DYNC1I1: variants seen among roughly 807,000 people sequenced by gnomAD.
DYNC1I1 encodes the protein dynein cytoplasmic 1 intermediate chain 1, also known as cytoplasmic dynein 1 intermediate chain 1.
A neutral mutation model predicts 86.6 loss-of-function variants in DYNC1I1; 43 were observed. That is an observed-to-expected ratio of 0.50 (90% CI 0.39 to 0.64). DYNC1I1 has a LOEUF of 0.64. DYNC1I1 is among the 30% of genes least tolerant of loss of function. DYNC1I1 has a pLI of 0.00. For missense variants in DYNC1I1, 604 were observed against 788.8 expected (o/e 0.77, Z 2.81); for synonymous variants, 262 against 283.7 (o/e 0.92, Z 0.77).
At chr7:95,895,081 G>C (rs2116284668) in intron 6 of DYNC1I1, among the ~76,000 whole-genome samples, 1 of 152,194 alleles carries the variant, frequency 6.6e-6, no homozygotes, top group East Asian at 1.9e-4. Flanking sequence ...CAGTGGATCA[G>C]ACTGGCAACA....
rs73401054 is a variant in DYNC1I1 at position 96,092,775 on chromosome 7, A to T, written c.1777-4708A>T. Among the ~76,000 whole-genome samples the T allele has an allele frequency of 3.7e-3, 566 of 152,078 alleles. 2 individuals are homozygous for T. Among genetic ancestry groups the T allele is most frequent in the African/African-American group, 0.013 (544 of 41,504 alleles). ...AGGCTAAAATGATACATTTTCATGA[A>T]TTTTTCCACAACTTTTGCACTTTTG... On this transcript the variant is annotated intron_variant, in intron 16 of 16. Transcript: ENST00000447467.
Position 96,098,300 on chromosome 7 carries a change from G to A in DYNC1I1, c.*707G>A, listed in dbSNP as rs1791074525. 1.0e-6 allele frequency: 1 copy of A among 985,580 alleles called. No individual in the cohort carries two copies. The allele number at this position is 985,580 out of a possible 1,614,324, so 61.1% of individuals were successfully genotyped here. A position where few individuals can be genotyped will look rare whatever the true frequency, so the allele number is the denominator to read the frequency against. ...TGAATTTTAATGCCTATTATTTCTG[G>A]GTACTTTAACAATATTTCAAATATC... On this transcript the variant is annotated 3_prime_UTR_variant, in exon 17 of 17. Coordinates refer to ENST00000447467, the MANE Select transcript of DYNC1I1 (RefSeq NM_001135556.2).
Position 95,996,017 on chromosome 7 carries a change from T to C in DYNC1I1, c.913T>C (p.Leu305=). The C allele has an allele frequency of 6.2e-7, 1 of 1,613,896 alleles. No homozygotes were observed. Residue 305 remains leucine (L), a synonymous_variant, in exon 10 of 17, where the codon TTG becomes CTG. Coordinates refer to ENST00000447467, the MANE Select transcript of DYNC1I1 (RefSeq NM_001135556.2). ...DAPHEPDGVA[L]VWNMKFKKTT... Reference sequence around the variant, plus strand: ...TCCCCATGAACCAGATGGAGTGGCCTTGGTTTGGAACATGAAGTTTAAGAA... The same window carrying C: ...TCCCCATGAACCAGATGGAGTGGCCCTGGTTTGGAACATGAAGTTTAAGAA...
At chr7:95,929,011 G>A (rs1020472397) in intron 6 of DYNC1I1, among the ~76,000 whole-genome samples, 4 of 152,106 alleles carry the variant, frequency 2.6e-5, no homozygotes, top group African/African-American at 4.8e-5. Context: ...GATACTCCTC[G>A]TTTGAAGATA....
chr7:95,921,323 G>A (rs747748661), intron 6 of DYNC1I1, among the ~76,000 whole-genome samples: 3 of 152,124 alleles, frequency 2.0e-5, no homozygotes, highest in Non-Finnish European at 2.9e-5. Flanking sequence ...TTATGACTAT[G>A]AAAGTTCAAA....
At chr7:96,085,510 T>C (rs1486508293) in intron 16 of DYNC1I1, among the ~76,000 whole-genome samples, 1 of 152,198 alleles carries the variant, frequency 6.6e-6, no homozygotes, top group Non-Finnish European at 1.5e-5. Flanking sequence ...TTTTTGGTTG[T>C]TTGATTTCAG....
intron 16 of DYNC1I1, among the ~76,000 whole-genome samples, chr7:96,084,877 G>A (rs933643031): frequency 6.6e-6 from 1 of 152,156 alleles, no homozygotes; most frequent in Non-Finnish European, 1.5e-5. Flanking sequence ...AATTTTGCCT[G>A]AAAATATATT....
At chr7:95,984,259 G>A (rs1232893237) in intron 7 of DYNC1I1, among the ~76,000 whole-genome samples, 1 of 152,066 alleles carries the variant, frequency 6.6e-6, no homozygotes, top group Non-Finnish European at 1.5e-5. Context: ...AGCAGGTTTG[G>A]AATGATATAT....
At chr7:95,795,762 G>A (rs559188372) in intron 1 of DYNC1I1, among the ~76,000 whole-genome samples, 11 of 151,894 alleles carry the variant, frequency 7.2e-5, no homozygotes, top group South Asian at 6.3e-4. Flanking sequence ...AGTAGGGAGA[G>A]GATCAAGAAA....
chr7:95,810,262 A>G, intron 2 of DYNC1I1, 130 bp from the exon 3 acceptor site: 1 of 561,314 alleles, frequency 1.8e-6, no homozygotes, highest in Non-Finnish European at 3.0e-6. Context: ...CATCCTTTAT[A>G]CATGTGATTA....
At chr7:95,959,260 G>A (rs866248145) in intron 6 of DYNC1I1, among the ~76,000 whole-genome samples, 1 of 152,266 alleles carries the variant, frequency 6.6e-6, no homozygotes, top group Middle Eastern at 3.4e-3. Flanking sequence ...AAGGCACAGT[G>A]GAGATGCAAT....
intron 9 of DYNC1I1, among the ~76,000 whole-genome samples, chr7:95,992,255 C>T (rs1793749202): frequency 6.6e-6 from 1 of 152,110 alleles, no homozygotes; most frequent in Non-Finnish European, 1.5e-5. Flanking sequence ...GTGTGTCTTA[C>T]CTCCCTCCAT....
chr7:96,039,537 CAT>C, intron 14 of DYNC1I1, 116 bp downstream of exon 14: 3 of 1,295,032 alleles, frequency 2.3e-6, no homozygotes, highest in Non-Finnish European at 3.3e-6. Context: ...ATTGGGAATT[CAT>C]ATACCTTCTG....
intron 1 of DYNC1I1, among the ~76,000 whole-genome samples, chr7:95,787,159 G>C (rs1054085832): frequency 1.2e-4 from 19 of 152,146 alleles, no homozygotes; most frequent in African/African-American, 4.3e-4. Context: ...AACATAAAAT[G>C]CCAACTTACT....
chr7:96,103,502 C>T (rs1399542152), intron 16 of DYNC1I1, among the ~76,000 whole-genome samples: 1 of 152,228 alleles, frequency 6.6e-6, no homozygotes, highest in Non-Finnish European at 1.5e-5. Context: ...ATATAACCAC[C>T]TGAGTGATAT....
At chr7:95,828,912 T>G (rs1795261948) in intron 5 of DYNC1I1, among the ~76,000 whole-genome samples, 2 of 152,152 alleles carry the variant, frequency 1.3e-5, no homozygotes, top group Admixed American at 6.6e-5. Context: ...CGCATTTCTC[T>G]TCTCAACTTC....
chr7:96,072,530 A>G (rs1357505257), intron 14 of DYNC1I1, among the ~76,000 whole-genome samples: 1 of 152,186 alleles, frequency 6.6e-6, no homozygotes, highest in Non-Finnish European at 1.5e-5. Context: ...AATTTTGTAG[A>G]GTAAATCTTT....
intron 7 of DYNC1I1, among the ~76,000 whole-genome samples, chr7:95,978,014 T>C (rs1793352509): frequency 6.6e-6 from 1 of 152,212 alleles, no homozygotes. Context: ...TGATCAACGC[T>C]AGTAACTCTG....
chr7:95,936,330 C>T (rs1792039362), intron 6 of DYNC1I1, among the ~76,000 whole-genome samples: 2 of 151,924 alleles, frequency 1.3e-5, no homozygotes, highest in African/African-American at 2.4e-5. Flanking sequence ...AACCATTTCC[C>T]TGGACTTGCA....
Sources: allele counts gnomAD v4.1 joint callset (sites outside exome capture counted in the v4.1 genomes callset), GRCh38; gene constraint gnomAD v4.1.1; transcripts MANE v1.5; gene names NCBI Gene and HGNC (gene_info 2026-07-23, HGNC 2026-07-21).